LYST: variants seen among roughly 807,000 people sequenced by gnomAD.
The protein encoded by LYST is lysosomal-trafficking regulator.
A neutral mutation model predicts 413.6 loss-of-function variants in LYST; 192 were observed. The observed-to-expected ratio is 0.46, with a 90% CI of 0.41 to 0.52. The LOEUF (loss-of-function observed/expected upper bound fraction) is 0.52. Among genes scored for constraint, LYST ranks in the 20% least tolerant of loss-of-function variants. LYST has a pLI of 0.00. For synonymous variants in LYST, 1,525 were observed against 1,567.3 expected, an observed-to-expected ratio of 0.97 and a Z score of 0.64; for missense variants, 3,815 against 4,499.9, an observed-to-expected ratio of 0.85 and a Z score of 4.35.
chr1:235,727,741 A>G (rs1286651485), intron 38 of LYST, among the ~76,000 whole-genome samples: 3 of 152,136 alleles, frequency 2.0e-5, no homozygotes, highest in African/African-American at 7.2e-5. Flanking sequence ...CTGAAGGCAA[A>G]GGTACTTGAT....
chr1:235,753,451 G>C (rs1412439316), intron 25 of LYST, among the ~76,000 whole-genome samples, 177 bp from the exon 26 acceptor site: 1 of 152,138 alleles, frequency 6.6e-6, no homozygotes, highest in Non-Finnish European at 1.5e-5. Flanking sequence ...TAGGGTAAAA[G>C]CTGTTGCTAG....
rs565975931 is a variant in LYST, at chr1:235,827,089, C to T, written c.192+3137G>A. On this transcript the variant is annotated intron_variant, in intron 3 of 52. Coordinates refer to ENST00000389793, the MANE Select transcript of LYST (RefSeq NM_000081.4). ...ATTAAATGTCTATTAATAAGCTGGGCGCAGTGGCTCACACCTGTAATCCTA... is the reference window on the plus strand; with the variant it reads ...ATTAAATGTCTATTAATAAGCTGGGTGCAGTGGCTCACACCTGTAATCCTA... 2.9e-3 allele frequency among the ~76,000 whole-genome samples: 440 copies of T among 152,186 alleles called. 2 individuals carry two copies. Among genetic ancestry groups the T allele is most frequent in the African/African-American group, 0.01 (418 of 41,502 alleles).
chr1:235,715,844 G>A (rs1662791103), intron 41 of LYST, among the ~76,000 whole-genome samples: 1 of 148,106 alleles, frequency 6.8e-6, no homozygotes, highest in Admixed American at 6.7e-5. Context: ...TTTTAAGTCT[G>A]TTTTACAGTG....
chr1:235,844,941 G>T (rs1318495788), intron 1 of LYST, among the ~76,000 whole-genome samples: 1 of 152,128 alleles, frequency 6.6e-6, no homozygotes, highest in Admixed American at 6.5e-5. Flanking sequence ...ATAACCATCA[G>T]AATGATTCCT....
Position 235,857,780 on chromosome 1 carries a change from CACACAT to C in LYST, c.-98+9057_-98+9062del, listed in dbSNP as rs761461799. On this transcript the variant is annotated intron_variant, in intron 1 of 52. Coordinates refer to ENST00000389793, the MANE Select transcript of LYST (RefSeq NM_000081.4). ...ACACACACACACACACACACACACA[CACACAT>C]ATATATATAAAATTTCACAAGCCAA... Among the ~76,000 whole-genome samples the C allele has an allele frequency of 1.8e-3, 243 of 135,914 alleles. 2 individuals carry two copies. Among genetic ancestry groups the C allele is most frequent in the African/African-American group, 5.9e-3 (202 of 34,436 alleles). 89.2% of individuals were successfully genotyped at this position (135,914 alleles called of 152,430 possible).
Position 235,751,297 on chromosome 1 carries a change from T to A in LYST, c.7693A>T (p.Asn2565Tyr). 1.2e-6 allele frequency: 2 copies of A among 1,613,726 alleles called. No homozygotes were observed. Among genetic ancestry groups the A allele is most frequent in the Non-Finnish European group, 1.7e-6 (2 of 1,179,658 alleles). Reference protein sequence around the residue: ...AAMEFIRTTANHDSENLTDSL... With the variant: ...AAMEFIRTTAYHDSENLTDSL... ...TCTGTGAGGTTTTCAGAGTCATGAT[T>A]TGCGGTGGTCCTTATAAATTCCATA... Residue 2565 changes from asparagine to tyrosine, a missense_variant, in exon 28 of 53, where the codon AAT becomes TAT. Physicochemically the swap from Asn to Tyr is moderately radical, Grantham distance 143. This residue lies in a region of LYST where 771 missense variants were observed against 837.1 expected (regional missense o/e 0.92). Coordinates refer to ENST00000389793, the MANE Select transcript of LYST (RefSeq NM_000081.4).
chr1:235,678,439 A>G (rs1039037455), intron 48 of LYST, among the ~76,000 whole-genome samples: 1 of 152,156 alleles, frequency 6.6e-6, no homozygotes, highest in African/African-American at 2.4e-5. Context: ...TTATGGCTTG[A>G]CTTTCTAAAT....
At position 235,664,929 on chromosome 1, in the gene LYST, G is replaced by GACA. The variant is rs1558094177; in HGVS notation, c.11039-311_11039-309dup. ...CTGCCTCAGCCTTCTAAGTTGCTGG[G>GACA]ACAACAGGTGCACGCCACCACATCC... On this transcript the variant is annotated intron_variant, in intron 50 of 52. Transcript: ENST00000389793. This position sits in a 1 kb window ranked among gnomAD's most constrained non-coding sequence, Gnocchi z 4.5. Among the ~76,000 whole-genome samples the GACA allele has an allele frequency of 6.6e-6, 1 of 152,096 alleles. No individual in the cohort carries two copies. Among genetic ancestry groups the GACA allele is most frequent in the Non-Finnish European group, 1.5e-5 (1 of 68,014 alleles).
intron 52 of LYST, among the ~76,000 whole-genome samples, chr1:235,663,780 G>A (rs1480480886): frequency 2.0e-5 from 3 of 152,210 alleles, no homozygotes; most frequent in Admixed American, 2.0e-4. Flanking sequence ...CTGAGTCACT[G>A]ACTCGGATTT....
At chr1:235,881,936 G>A (rs1017039703) in intron 1 of LYST, among the ~76,000 whole-genome samples, 1 of 152,060 alleles carries the variant, frequency 6.6e-6, no homozygotes, top group Non-Finnish European at 1.5e-5. Context: ...CCTGGAAATG[G>A]ATAGTGGTGG....
chr1:235,761,136 A>G (rs953665324), intron 22 of LYST, among the ~76,000 whole-genome samples: 1 of 152,154 alleles, frequency 6.6e-6, no homozygotes, highest in Non-Finnish European at 1.5e-5. Flanking sequence ...AACTAATAAA[A>G]ACATAGCCTT....
rs1225329778 is a variant in LYST at position 235,791,986 on chromosome 1, T to C, written c.4256A>G (p.Asn1419Ser). 6.2e-7 allele frequency: 1 copy of C among 1,614,124 alleles called. No individual in the cohort carries two copies. The highest frequency in any genetic ancestry group is 8.5e-7 in the Non-Finnish European group (1 of 1,179,998). ...TCTCAATAAACCCATGGCCTTACTG[T>C]TTAAAATCCCAGGATACTTTTGTGA... The part of the protein sequence containing the change: ...VSSQKYPGIL[N>S]SKAMGLLRRA... Residue 1419 changes from asparagine (N) to serine (S), a missense_variant, in exon 12 of 53, where the codon AAC becomes AGC. By Grantham distance (46) the Asn-to-Ser change is conservative (BLOSUM62 1). Around this residue, in one of 4 missense-constraint regions of LYST, gnomAD observed 1,648 missense variants for 1,810.3 expected, o/e 0.91. Coordinates refer to ENST00000389793, the MANE Select transcript of LYST (RefSeq NM_000081.4).
At chr1:235,696,533 C>T (rs1253091776) in intron 46 of LYST, among the ~76,000 whole-genome samples, 1 of 152,204 alleles carries the variant, frequency 6.6e-6, no homozygotes, top group African/African-American at 2.4e-5. Flanking sequence ...TGCTCAAATG[C>T]AAAATGTCCC....
intron 43 of LYST, among the ~76,000 whole-genome samples, chr1:235,711,836 T>C (rs1245511234): frequency 6.6e-6 from 1 of 152,084 alleles, no homozygotes; most frequent in African/African-American, 2.4e-5. Flanking sequence ...ATAACTTTAA[T>C]AGTTAAAAGT....
intron 1 of LYST, among the ~76,000 whole-genome samples, chr1:235,855,764 CAGATAT>C (rs906905436): frequency 8.6e-5 from 13 of 152,012 alleles, no homozygotes; most frequent in African/African-American, 2.9e-4. Context: ...ATACTGAACA[CAGATAT>C]TTATAAGCTT....
intron 52 of LYST, among the ~76,000 whole-genome samples, chr1:235,663,464 T>C (rs1468401442): frequency 6.6e-6 from 1 of 152,208 alleles, no homozygotes; most frequent in Non-Finnish European, 1.5e-5. Flanking sequence ...TTTATGGCTA[T>C]ATATTATTTC....
At chr1:235,768,995 T>C (rs1246440188) in intron 20 of LYST, among the ~76,000 whole-genome samples, 3 of 151,854 alleles carry the variant, frequency 2.0e-5, no homozygotes, top group Admixed American at 1.3e-4. Flanking sequence ...GTGTGTCAAG[T>C]ACTGACATTA....
intron 10 of LYST, among the ~76,000 whole-genome samples, chr1:235,798,603 A>C (rs1349355094): frequency 1.1e-4 from 12 of 110,070 alleles, no homozygotes; most frequent in African/African-American, 1.1e-4. Flanking sequence ...AAAAAAAAAA[A>C]AAAAAAAAAA....
At chr1:235,767,930 G>A (rs1462014392) in intron 20 of LYST, among the ~76,000 whole-genome samples, 1 of 151,896 alleles carries the variant, frequency 6.6e-6, no homozygotes, top group East Asian at 1.9e-4. Context: ...CCCCTCTGCC[G>A]ACCTCTGGCT....
Sources: allele counts gnomAD v4.1 joint callset (sites outside exome capture counted in the v4.1 genomes callset), GRCh38; gene constraint gnomAD v4.1.1; regional missense constraint gnomAD v4.1.1; non-coding constraint Gnocchi (gnomAD v3.1); transcripts MANE v1.5; gene names NCBI Gene and HGNC (gene_info 2026-07-23, HGNC 2026-07-21).